The following ROR2 variants were observed in gnomAD, a reference collection of about 807,000 sequenced individuals.
The protein encoded by ROR2 is tyrosine-protein kinase transmembrane receptor ROR2.
ROR2 carries 33 observed loss-of-function variants against 74.9 expected under a neutral mutation model. That is an observed-to-expected ratio of 0.44 (90% CI 0.33 to 0.59). ROR2 has a LOEUF of 0.59. Ranked by LOEUF, ROR2 falls within the 20% of genes least tolerant of loss-of-function variation. The probability of loss-of-function intolerance (pLI) is 0.02; values close to 1 mark genes in which losing one functional copy is unlikely to be tolerated. For missense variants in ROR2, 1,216 were observed against 1,313.8 expected, an observed-to-expected ratio of 0.93 and a Z score of 1.15; for synonymous variants, 586 against 558.7, an observed-to-expected ratio of 1.05 and a Z score of -0.69.
At chr9:91,804,817 G>GAGT (rs1433721879) in intron 1 of ROR2, among the ~76,000 whole-genome samples, 2 of 152,334 alleles carry the variant, frequency 1.3e-5, no homozygotes, top group East Asian at 3.9e-4. Context: ...TCAGTTGACT[G>GAGT]AGTTATTTTT....
intron 1 of ROR2, among the ~76,000 whole-genome samples, chr9:91,910,662 G>T (rs566160600): frequency 1.9e-4 from 28 of 146,070 alleles, no homozygotes; most frequent in African/African-American, 7.5e-4. Context: ...CATAAAATAT[G>T]TAATACTTTT....
chr9:91,849,965 G>A (rs1362513338), intron 1 of ROR2, among the ~76,000 whole-genome samples: 1 of 152,098 alleles, frequency 6.6e-6, no homozygotes, highest in African/African-American at 2.4e-5. Flanking sequence ...TTGGTTTTCT[G>A]GTCATTTCCA....
rs1829133234 is a variant in ROR2, at chr9:91,852,624, A to ACACACACACACAC, written c.98-76807_98-76806insGTGTGTGTGTGTG. Among the ~76,000 whole-genome samples, 985 of 123,742 alleles carry ACACACACACACAC rather than the reference A, an allele frequency of 8.0e-3. 15 individuals are homozygous for ACACACACACACAC. Among genetic ancestry groups the ACACACACACACAC allele is most frequent in the Admixed American group, 0.036 (450 of 12,536 alleles). 81.2% of individuals were successfully genotyped at this position (123,742 alleles called of 152,430 possible). On this transcript the variant is annotated intron_variant, in intron 1 of 8. Transcript: ENST00000375708. ...GTTACAAATAAATGGAAAACACACA[A>ACACACACACACAC]ACACACACACACACACACACACACA...
intron 1 of ROR2, among the ~76,000 whole-genome samples, chr9:91,873,793 T>C (rs10992145): frequency 0.47 from 71,080 of 152,014 alleles, 19,096 homozygotes; most frequent in African/African-American, 0.73. Context: ...CAGCTGAATC[T>C]CAGAGTCCGA....
chr9:91,779,508 C>T (rs1826541876), intron 1 of ROR2, among the ~76,000 whole-genome samples: 1 of 151,812 alleles, frequency 6.6e-6, no homozygotes, highest in African/African-American at 2.4e-5. Context: ...GTAGCTAGGA[C>T]TGCAGGTGCC....
rs115398011 is a variant in ROR2, at chr9:91,771,160, A to G, written c.175+4581T>C. The stretch of plus-strand genomic sequence containing the variant: ...AACACAACCTCATATGGGCAAAGTC[A>G]GGAATCCCCCTGCTGGCTGCAGTGT... On this transcript the variant is annotated intron_variant, in intron 2 of 8. Coordinates refer to ENST00000375708, the MANE Select transcript of ROR2 (RefSeq NM_004560.4). 3.3e-3 allele frequency among the ~76,000 whole-genome samples: 500 copies of G among 152,364 alleles called. 3 individuals carry two copies. The highest frequency in any genetic ancestry group is 0.012 in the African/African-American group (483 of 41,588).
At chr9:91,932,825 T>C (rs182098427) in intron 1 of ROR2, among the ~76,000 whole-genome samples, 72 of 152,344 alleles carry the variant, frequency 4.7e-4, no homozygotes, top group Admixed American at 1.3e-3. Context: ...TGGACAATTG[T>C]TAAAATGTCA....
intron 2 of ROR2, among the ~76,000 whole-genome samples, chr9:91,772,710 A>T (rs1339381279): frequency 6.6e-6 from 1 of 152,164 alleles, no homozygotes; most frequent in Non-Finnish European, 1.5e-5. Flanking sequence ...TCTGTAATCA[A>T]TCAACTCCTT....
intron 7 of ROR2, among the ~76,000 whole-genome samples, chr9:91,727,431 G>T (rs766267421): frequency 6.6e-6 from 1 of 151,020 alleles, no homozygotes; most frequent in African/African-American, 2.4e-5. Context: ...ACAGGGAAAA[G>T]TAACTCTTTG....
At chr9:91,907,234 A>G (rs1830843238) in intron 1 of ROR2, among the ~76,000 whole-genome samples, 1 of 152,164 alleles carries the variant, frequency 6.6e-6, no homozygotes, top group South Asian at 2.1e-4. Context: ...GGCTCTGCAT[A>G]TAATTTTTCC....
intron 4 of ROR2, among the ~76,000 whole-genome samples, chr9:91,746,926 G>T (rs1055975942): frequency 2.6e-5 from 4 of 152,116 alleles, no homozygotes; most frequent in African/African-American, 9.7e-5. Flanking sequence ...GGGCCATGGG[G>T]TGGGTCCAGG....
At chr9:91,803,462 G>A (rs1827455389) in intron 1 of ROR2, among the ~76,000 whole-genome samples, 1 of 152,222 alleles carries the variant, frequency 6.6e-6, no homozygotes, top group Non-Finnish European at 1.5e-5. Flanking sequence ...TTGGAGACTG[G>A]TCACACAACA....
intron 1 of ROR2, among the ~76,000 whole-genome samples, chr9:91,896,840 C>T (rs967676310): frequency 1.3e-4 from 20 of 152,300 alleles, no homozygotes; most frequent in Non-Finnish European, 1.6e-4. Context: ...AAGGCCTGTT[C>T]TTTTCCAACA....
intron 1 of ROR2, among the ~76,000 whole-genome samples, chr9:91,893,149 C>A (rs1301183903): frequency 1.3e-5 from 2 of 152,144 alleles, no homozygotes; most frequent in Non-Finnish European, 2.9e-5. Context: ...ATACAGGACA[C>A]CTCTGATGGC....
At chr9:91,853,882 G>A (rs111490926) in intron 1 of ROR2, among the ~76,000 whole-genome samples, 97 of 152,336 alleles carry the variant, frequency 6.4e-4, no homozygotes, top group African/African-American at 2.3e-3. Flanking sequence ...TGTGAGCAGA[G>A]TGAGGGTGCA....
intron 1 of ROR2, among the ~76,000 whole-genome samples, chr9:91,789,304 T>C (rs1408472110): frequency 6.6e-5 from 10 of 152,128 alleles, no homozygotes; most frequent in Middle Eastern, 3.4e-3. Flanking sequence ...CTATAAGAAA[T>C]AGTCAAGAGT....
At chr9:91,740,347 G>C (rs1258260927) in intron 4 of ROR2, among the ~76,000 whole-genome samples, 1 of 152,100 alleles carries the variant, frequency 6.6e-6, no homozygotes, top group Non-Finnish European at 1.5e-5. Flanking sequence ...AGAAGATCGA[G>C]ACCATCCTGG....
At chr9:91,900,433 G>T (rs1272912707) in intron 1 of ROR2, among the ~76,000 whole-genome samples, 2 of 152,244 alleles carry the variant, frequency 1.3e-5, no homozygotes, top group Non-Finnish European at 2.9e-5. Flanking sequence ...GGCGGCGCGG[G>T]GCAATCCTCC....
intron 1 of ROR2, among the ~76,000 whole-genome samples, chr9:91,808,573 G>A (rs1004383898): frequency 6.6e-6 from 1 of 151,988 alleles, no homozygotes; most frequent in African/African-American, 2.4e-5. Context: ...GCAGTGAGCC[G>A]AGATCGTGCC....
Sources: allele counts gnomAD v4.1 joint callset (sites outside exome capture counted in the v4.1 genomes callset), GRCh38; gene constraint gnomAD v4.1.1; transcripts MANE v1.5; gene names NCBI Gene and HGNC (gene_info 2026-07-23, HGNC 2026-07-21).